Variants in FBRSL1 observed in about 807,000 individuals in gnomAD.
The protein encoded by FBRSL1 is fibrosin like 1, also known as fibrosin-1-like protein.
Under a neutral mutation model 89.6 loss-of-function variants are expected in FBRSL1, and 51 were observed. The observed-to-expected ratio is 0.57, with a 90% CI of 0.45 to 0.72. The LOEUF is 0.72. FBRSL1 is among the 30% of genes least tolerant of loss of function. The pLI is 0.00. For missense variants in FBRSL1, 1,618 were observed against 1,451.8 expected, an observed-to-expected ratio of 1.11 and a Z score of -1.86; for synonymous variants, 779 against 681.1, an observed-to-expected ratio of 1.14 and a Z score of -2.24.
intron 15 of FBRSL1, among the ~76,000 whole-genome samples, chr12:132,580,455 T>C (rs1288661305): frequency 6.6e-6 from 1 of 152,218 alleles, no homozygotes; most frequent in Non-Finnish European, 1.5e-5. Context: ...TCCCTGTGTG[T>C]CGCTCACTTT....
chr12:132,569,825 G>A (rs992987499), intron 6 of FBRSL1, 101 bp from the exon 7 acceptor site: 1 of 901,296 alleles, frequency 1.1e-6, no homozygotes, highest in African/African-American at 1.8e-5. Context: ...CCGGAGCCCA[G>A]ACATAGCCTG....
At chr12:132,491,806 G>C (rs987524853) in intron 1 of FBRSL1, among the ~76,000 whole-genome samples, 2 of 152,278 alleles carry the variant, frequency 1.3e-5, no homozygotes, top group Non-Finnish European at 2.9e-5. Flanking sequence ...CCTTGGGTCA[G>C]GGCCGGTGGC....
At chr12:132,560,952 CCCTGT>C (rs1162291168) in intron 5 of FBRSL1, among the ~76,000 whole-genome samples, 28 of 152,314 alleles carry the variant, frequency 1.8e-4, no homozygotes, top group African/African-American at 6.3e-4. Context: ...CTGCCAGAAG[CCCTGT>C]CCTAGAAGGG....
intron 2 of FBRSL1, among the ~76,000 whole-genome samples, chr12:132,517,543 C>T (rs1566129436): frequency 6.6e-6 from 1 of 152,234 alleles, no homozygotes; most frequent in African/African-American, 2.4e-5. Flanking sequence ...TAAACTATAA[C>T]TGGGACAACA....
chr12:132,499,661 G>C lies in FBRSL1; in HGVS notation c.292-8492G>C, dbSNP rs987141304. 5.9e-5 allele frequency among the ~76,000 whole-genome samples: 9 copies of C among 152,008 alleles called. No homozygotes were observed. The highest frequency in any genetic ancestry group is 2.2e-4 in the African/African-American group (9 of 41,364). On this transcript the variant is annotated intron_variant, in intron 1 of 18. Coordinates refer to ENST00000680143, the MANE Select transcript of FBRSL1 (RefSeq NM_001367871.1). The surrounding 1 kb of genome is among the most constrained non-coding windows in gnomAD (Gnocchi z 4.3). ...ACATGTAGCAGGTGGTACAGGTTTG[G>C]GGTGCCGGTGGCAGGCAGGCTGGAG...
At chr12:132,525,637 G>C (rs1322691003) in intron 2 of FBRSL1, 97 bp from the exon 3 acceptor site, 3 of 980,884 alleles carry the variant, frequency 3.1e-6, no homozygotes, top group Non-Finnish European at 1.6e-6. Context: ...CGGGGTGCTG[G>C]GGTGCCGGGA....
At chr12:132,513,467 T>C (rs1224200261) in intron 2 of FBRSL1, among the ~76,000 whole-genome samples, 1 of 152,142 alleles carries the variant, frequency 6.6e-6, no homozygotes. Flanking sequence ...GCTGCCCGAC[T>C]ACAGAGACCC....
chr12:132,567,698 G>T (rs565522925), intron 6 of FBRSL1, among the ~76,000 whole-genome samples, 172 bp downstream of exon 6: 2 of 152,290 alleles, frequency 1.3e-5, no homozygotes, highest in South Asian at 4.1e-4. Context: ...CCAGGAGCAG[G>T]GGAGAGTAGA....
chr12:132,544,112 G>A (rs906698600), intron 4 of FBRSL1, among the ~76,000 whole-genome samples: 1 of 152,180 alleles, frequency 6.6e-6, no homozygotes, highest in African/African-American at 2.4e-5. Context: ...GGAATCACCC[G>A]GCTGCTACTC....
intron 11 of FBRSL1, among the ~76,000 whole-genome samples, chr12:132,573,159 A>C (rs565060295): frequency 4.0e-4 from 61 of 151,990 alleles, no homozygotes; most frequent in Non-Finnish European, 7.1e-4. Context: ...CTGTAACCCC[A>C]CCCTCTGCGG....
rs565873192 is a variant in FBRSL1, at chr12:132,581,434, C to A, written c.1835-5C>A. On this transcript the variant is annotated splice_polypyrimidine_tract_variant and splice_region_variant and intron_variant, in intron 15 of 18. Transcript: ENST00000680143. Reference sequence around the variant, plus strand: ...GCTTCTGTCAAACCTGGCTGCCCCCCCCAGGTGCCGCCCATCCTGCCTCCA... The same window carrying A: ...GCTTCTGTCAAACCTGGCTGCCCCCACCAGGTGCCGCCCATCCTGCCTCCA... 2.1e-5 allele frequency: 33 copies of A among 1,550,864 alleles called. No homozygotes were observed. The highest frequency in any genetic ancestry group is 7.3e-5 in the East Asian group (3 of 40,938).
In FBRSL1 at chr12:132,582,827, T is replaced by TGG. The variant is rs545186676; in HGVS notation, c.2202-140_2202-139dup. The TGG allele has an allele frequency of 1.2e-3, 688 of 595,200 alleles. 4 individuals carry two copies. The highest frequency in any genetic ancestry group is 0.011 in the African/African-American group (579 of 50,436). The allele number at this position is 595,200 out of a possible 1,614,324, so 36.9% of individuals were successfully genotyped here. A position where few individuals can be genotyped will look rare whatever the true frequency, so the allele number is the denominator to read the frequency against. Reference sequence around the variant, plus strand: ...AGGACGCGTAGGTTTTGGGAGCCTGTGGGGGTGCGGGAGCTGTGGGTGCTG... The same window carrying TGG: ...AGGACGCGTAGGTTTTGGGAGCCTGTGGGGGGGTGCGGGAGCTGTGGGTGCTG... On this transcript the variant is annotated intron_variant, in intron 18 of 18. Transcript: ENST00000680143.
In FBRSL1 at chr12:132,574,159, G is replaced by A; in HGVS notation, c.1599+1G>A. ...CACACTCCTGCAGAAAGCGCCTGGGGTAGGTGTTAGTGGGCGCCCGTCCCC... is the reference window on the plus strand; with the variant it reads ...CACACTCCTGCAGAAAGCGCCTGGGATAGGTGTTAGTGGGCGCCCGTCCCC... On this transcript the variant is annotated splice_donor_variant, in intron 12 of 18. Transcript: ENST00000680143. LOFTEE classifies it high-confidence loss of function. 7.0e-7 allele frequency: 1 copy of A among 1,421,486 alleles called. No individual in the cohort carries two copies. Among genetic ancestry groups the A allele is most frequent in the Non-Finnish European group, 9.2e-7 (1 of 1,092,716 alleles). 88.1% of individuals were successfully genotyped at this position (1,421,486 alleles called of 1,614,324 possible).
chr12:132,531,721 T>G (rs1038303434), intron 4 of FBRSL1, among the ~76,000 whole-genome samples: 1 of 152,112 alleles, frequency 6.6e-6, no homozygotes, highest in Admixed American at 6.5e-5. Flanking sequence ...TGTGCACGTG[T>G]GCACCCCTTG....
At chr12:132,522,148 G>C (rs1015565513) in intron 2 of FBRSL1, among the ~76,000 whole-genome samples, 6 of 152,152 alleles carry the variant, frequency 3.9e-5, no homozygotes, top group Admixed American at 6.5e-5. Context: ...CACCCTAGAG[G>C]GTTTCCTGGC....
intron 2 of FBRSL1, among the ~76,000 whole-genome samples, chr12:132,513,431 C>T (rs923971600): frequency 3.9e-5 from 6 of 152,042 alleles, no homozygotes; most frequent in Non-Finnish European, 7.4e-5. Flanking sequence ...CGGGGGGTGA[C>T]AGTGGGGATC....
chr12:132,536,987 A>G (rs10870463), intron 4 of FBRSL1, among the ~76,000 whole-genome samples: 114,640 of 152,182 alleles, frequency 0.75, 43,806 homozygotes, highest in African/African-American at 0.9. Flanking sequence ...GGGGCTCTGC[A>G]GGCACTCGGG....
chr12:132,510,749 C>G, intron 2 of FBRSL1: 1 of 1,193,850 alleles, frequency 8.4e-7, no homozygotes. Flanking sequence ...TCACAGTGCC[C>G]CCACCCGCGT....
At chr12:132,502,830 C>G in intron 1 of FBRSL1, among the ~76,000 whole-genome samples, 1 of 118,406 alleles carries the variant, frequency 8.4e-6, no homozygotes, top group Admixed American at 8.4e-5. Context: ...CCCTCCTGTC[C>G]TCACCCTCTC....
Sources: gnomAD v4.1 joint callset for allele counts (sites outside exome capture counted in the v4.1 genomes callset) on GRCh38, gnomAD v4.1.1 for gene constraint, Gnocchi (gnomAD v3.1) non-coding constraint, MANE v1.5 for transcripts, NCBI Gene and HGNC (gene_info 2026-07-23, HGNC 2026-07-21) for gene names.